INPP5A: variants seen among roughly 807,000 people sequenced by gnomAD.
INPP5A encodes the protein 43 kDa inositol polyphosphate 5-phophatase.
Under a neutral mutation model 65.2 loss-of-function variants are expected in INPP5A, and 14 were observed. That is an observed-to-expected ratio of 0.21 (90% CI 0.14 to 0.34). The LOEUF (loss-of-function observed/expected upper bound fraction) is 0.34, where lower values mean the gene tolerates loss of function less well. Among genes scored for constraint, INPP5A ranks in the 10% least tolerant of loss-of-function variants. INPP5A has a pLI of 1.00. For missense variants in INPP5A, 431 were observed against 545.6 expected (o/e 0.79, Z 2.09); for synonymous variants, 207 against 208.3 (o/e 0.99, Z 0.05).
At chr10:132,763,042 G>T (rs1022724932) in intron 11 of INPP5A, among the ~76,000 whole-genome samples, 1 of 152,198 alleles carries the variant, frequency 6.6e-6, no homozygotes, top group African/African-American at 2.4e-5. Flanking sequence ...AAAGGTCTGA[G>T]TTACACTGGG....
At chr10:132,737,697 G>A (rs572843450) in intron 9 of INPP5A, among the ~76,000 whole-genome samples, 5 of 152,354 alleles carry the variant, frequency 3.3e-5, no homozygotes, top group East Asian at 1.9e-4. Context: ...GAGCTAAGCC[G>A]TGCTGCTCGG....
intron 9 of INPP5A, 37 bp from the exon 10 acceptor site, chr10:132,749,480 C>T: frequency 1.3e-6 from 2 of 1,589,798 alleles, no homozygotes; most frequent in South Asian, 2.2e-5. Flanking sequence ...GCAGGTGGGC[C>T]CCCCTGGGAC....
In INPP5A at chr10:132,704,381, C is replaced by CCA. The variant is rs1402104305; in HGVS notation, c.475-3930_475-3929dup. Among the ~76,000 whole-genome samples the CCA allele has an allele frequency of 6.6e-6, 1 of 152,242 alleles. No individual in the cohort carries two copies. The highest frequency in any genetic ancestry group is 1.5e-5 in the Non-Finnish European group (1 of 68,052). ...TGGGCCCAGTGACTGTGGCCTAAAGCCACCAAGGGACCATAGGTGCAGTTC... is the reference window on the plus strand; with the variant it reads ...TGGGCCCAGTGACTGTGGCCTAAAGCCACACCAAGGGACCATAGGTGCAGTTC... On this transcript the variant is annotated intron_variant, in intron 6 of 15. Coordinates refer to ENST00000368594, the MANE Select transcript of INPP5A (RefSeq NM_005539.5). The surrounding 1 kb of genome is among the most constrained non-coding windows in gnomAD (Gnocchi z 4.5).
rs112734779 is a variant in INPP5A at position 132,615,924 on chromosome 10, G to T, written c.117+7968G>T. Among the ~76,000 whole-genome samples the T allele has an allele frequency of 8.1e-3, 1,240 of 152,312 alleles. 15 individuals are homozygous for T. Among genetic ancestry groups the T allele is most frequent in the African/African-American group, 0.029 (1,189 of 41,578 alleles). On this transcript the variant is annotated intron_variant, in intron 2 of 15. Coordinates refer to ENST00000368594, the MANE Select transcript of INPP5A (RefSeq NM_005539.5). ...AGCTGTGCAGCTGAGCCTCTCAGCT[G>T]AGAGGCTGCGACCTTCATGGCCTGG...
intron 1 of INPP5A, among the ~76,000 whole-genome samples, chr10:132,570,251 T>G (rs1257038345): frequency 2.0e-5 from 3 of 152,206 alleles, no homozygotes; most frequent in Admixed American, 1.3e-4. Context: ...TGCTGATATT[T>G]TCTTGTTGGT....
chr10:132,565,282 A>G (rs1002901034), intron 1 of INPP5A, among the ~76,000 whole-genome samples: 2 of 152,100 alleles, frequency 1.3e-5, no homozygotes, highest in African/African-American at 4.8e-5. Flanking sequence ...GCCAGTTTTA[A>G]GTCTGACCCT....
At chr10:132,570,194 G>T (rs964342826) in intron 1 of INPP5A, among the ~76,000 whole-genome samples, 1 of 150,950 alleles carries the variant, frequency 6.6e-6, no homozygotes, top group Non-Finnish European at 1.5e-5. Flanking sequence ...TGATCCACTC[G>T]CCTCAGCCTC....
rs1384409358 is a variant in INPP5A, at chr10:132,749,524, G to A, written c.740G>A (p.Cys247Tyr). ...GTTGCTGTCTTTCTGCAGACGCTCTGCACAAAAGCCACCATGCAGACGGTC... is the reference window on the plus strand; with the variant it reads ...GTTGCTGTCTTTCTGCAGACGCTCTACACAAAAGCCACCATGCAGACGGTC... ...LDSKSVVETL[C>Y]TKATMQTVRA... Residue 247 changes from cysteine (C) to tyrosine (Y), a missense_variant, in exon 10 of 16, where the codon TGC becomes TAC. Cys to Tyr is a radical substitution (Grantham distance 194). Transcript: ENST00000368594. 6.2e-7 allele frequency: 1 copy of A among 1,612,786 alleles called. No individual in the cohort carries two copies. Among genetic ancestry groups the A allele is most frequent in the Non-Finnish European group, 8.5e-7 (1 of 1,179,990 alleles).
At chr10:132,684,851 C>T (rs531339040) in intron 4 of INPP5A, among the ~76,000 whole-genome samples, 34 of 152,288 alleles carry the variant, frequency 2.2e-4, no homozygotes, top group Admixed American at 1.5e-3. Flanking sequence ...TGGGCTCCTG[C>T]GTGAGGCCGC....
chr10:132,708,882 T>C lies in INPP5A; in HGVS notation c.527+517T>C, dbSNP rs545117699. 9.8e-5 allele frequency among the ~76,000 whole-genome samples: 15 copies of C among 152,340 alleles called. No individual in the cohort carries two copies. In the South Asian group the frequency reaches 3.1e-3, roughly 32 times the overall value. On this transcript the variant is annotated intron_variant, in intron 7 of 15. Coordinates refer to ENST00000368594, the MANE Select transcript of INPP5A (RefSeq NM_005539.5). ...CATCATAAGAAACAGAAACCTGTTA[T>C]CTGCTTTCCTAAGGTGGCTTCCAGG...
intron 8 of INPP5A, among the ~76,000 whole-genome samples, chr10:132,720,920 GT>G (rs1273473225): frequency 2.0e-5 from 3 of 151,042 alleles, no homozygotes; most frequent in Non-Finnish European, 4.4e-5. Context: ...TGTCTTGCGG[GT>G]TCTGTGGTGC....
At chr10:132,667,559 A>G (rs2072822387) in intron 4 of INPP5A, among the ~76,000 whole-genome samples, 1 of 152,214 alleles carries the variant, frequency 6.6e-6, no homozygotes, top group Non-Finnish European at 1.5e-5. Flanking sequence ...GGGGCTGAAG[A>G]GGCCCAGACA....
chr10:132,685,841 G>A (rs1023714288), intron 4 of INPP5A, among the ~76,000 whole-genome samples: 15 of 152,204 alleles, frequency 9.9e-5, no homozygotes, highest in African/African-American at 2.9e-4. Flanking sequence ...AAGTGGGCCC[G>A]CTATCAGAAT....
In INPP5A at chr10:132,538,169, G is replaced by T. The variant is rs1281829994; in HGVS notation, c.73G>T (p.Asp25Tyr). Residue 25 changes from aspartate (D) to tyrosine (Y), a missense_variant and splice_region_variant, in exon 1 of 16, where the codon GAC becomes TAC. Coordinates refer to ENST00000368594, the MANE Select transcript of INPP5A (RefSeq NM_005539.5). The surrounding 1 kb of genome is among the most constrained non-coding windows in gnomAD (Gnocchi z 4.1). The stretch of plus-strand genomic sequence containing the variant: ...GGCCAACGTGGGCTCGCTCTTCGAC[G>T]ACGTAAGTCCCCCGTGCCGGCGGCA... ...VTANVGSLFD[D>Y]PENLQKNWLR... 4 of 1,278,184 alleles carry T rather than the reference G, an allele frequency of 3.1e-6. No individual in the cohort carries two copies. The highest frequency in any genetic ancestry group is 4.0e-6 in the Non-Finnish European group (4 of 1,008,744). The allele number at this position is 1,278,184 out of a possible 1,614,324, so 79.2% of individuals were successfully genotyped here.
intron 4 of INPP5A, among the ~76,000 whole-genome samples, chr10:132,667,182 G>C (rs988749733): frequency 6.6e-6 from 1 of 152,214 alleles, no homozygotes; most frequent in African/African-American, 2.4e-5. Context: ...GCTCAGGACA[G>C]CAGACGTTTC....
intron 2 of INPP5A, among the ~76,000 whole-genome samples, chr10:132,639,867 G>A (rs1234070035): frequency 6.6e-6 from 1 of 152,048 alleles, no homozygotes; most frequent in Non-Finnish European, 1.5e-5. Flanking sequence ...GAGTTCTTCT[G>A]GTCATTTATT....
At chr10:132,595,309 G>T (rs761082288) in intron 1 of INPP5A, among the ~76,000 whole-genome samples, 1 of 151,572 alleles carries the variant, frequency 6.6e-6, no homozygotes, top group Non-Finnish European at 1.5e-5. Flanking sequence ...GGGGGCTTGT[G>T]TGAGGTGTGA....
chr10:132,610,383 G>C (rs757189514), intron 2 of INPP5A, among the ~76,000 whole-genome samples: 1 of 152,226 alleles, frequency 6.6e-6, no homozygotes, highest in African/African-American at 2.4e-5. Flanking sequence ...GGGGCGGTTC[G>C]TGAACAGGAA....
At chr10:132,598,450 T>C (rs944898355) in intron 1 of INPP5A, among the ~76,000 whole-genome samples, 5 of 152,236 alleles carry the variant, frequency 3.3e-5, no homozygotes, top group African/African-American at 1.2e-4. Flanking sequence ...TCTGTCTCCA[T>C]GAATCTGATG....
Sources: gnomAD v4.1 joint callset for allele counts (sites outside exome capture counted in the v4.1 genomes callset) on GRCh38, gnomAD v4.1.1 for gene constraint, Gnocchi (gnomAD v3.1) non-coding constraint, MANE v1.5 for transcripts, NCBI Gene and HGNC (gene_info 2026-07-23, HGNC 2026-07-21) for gene names.